Variants in ODAD1 observed in about 807,000 individuals in gnomAD.
The protein encoded by ODAD1 is outer dynein arm-docking complex subunit 1.
Under a neutral mutation model 67.2 loss-of-function variants are expected in ODAD1, and 49 were observed. The ratio of observed to expected loss-of-function variants is 0.73; its 90% CI spans 0.58 to 0.92. The LOEUF (loss-of-function observed/expected upper bound fraction) is 0.92, where lower values mean the gene tolerates loss of function less well. ODAD1 is among the 40% of genes least tolerant of loss of function. ODAD1 has a pLI of 0.00. For synonymous variants in ODAD1, 345 were observed against 393.7 expected, an observed-to-expected ratio of 0.88 and a Z score of 1.46; for missense variants, 897 against 953.7, an observed-to-expected ratio of 0.94 and a Z score of 0.78.
chr19:48,307,889 G>A (rs927403464), intron 7 of ODAD1, among the ~76,000 whole-genome samples: 4 of 151,278 alleles, frequency 2.6e-5, no homozygotes, highest in Non-Finnish European at 2.9e-5. Context: ...AGAAAGAACC[G>A]GGACTCCTCA....
At chr19:48,306,795 C>T (rs1968618462) in intron 7 of ODAD1, among the ~76,000 whole-genome samples, 2 of 152,028 alleles carry the variant, frequency 1.3e-5, no homozygotes, top group Non-Finnish European at 2.9e-5. Context: ...GCCCATAATC[C>T]CAGCAGTTTG....
Position 48,304,137 on chromosome 19 carries a change from CT to C in ODAD1, c.668del (p.Glu223GlyfsTer86). 2 of 1,605,544 alleles carry C rather than the reference CT, an allele frequency of 1.2e-6. No homozygotes were observed. Among genetic ancestry groups the C allele is most frequent in the South Asian group, 1.1e-5 (1 of 90,862 alleles). ...GCAAGCCCATCTTGGCCTTCGCCTCCTCCCTGCGGGGGTCAGCCGGGGTCAG... is the reference window on the plus strand; with the variant it reads ...GCAAGCCCATCTTGGCCTTCGCCTCCCCCTGCGGGGGTCAGCCGGGGTCAG... ...LSSTSAYAVR[E>X]EAKAKMGLLR... On this transcript the variant is annotated frameshift_variant and splice_region_variant, in exon 9 of 16. Coordinates refer to ENST00000674294, the MANE Select transcript of ODAD1 (RefSeq NM_001364171.2). LOFTEE classifies it high-confidence loss of function.
At chr19:48,318,688 C>G (rs1395374769) in intron 4 of ODAD1, 25 bp downstream of exon 4, 5 of 1,540,168 alleles carry the variant, frequency 3.2e-6, no homozygotes, top group Admixed American at 3.9e-5. Flanking sequence ...TCCTCCCCAG[C>G]TCAGGGCCCA....
chr19:48,316,427 T>A (rs1214706782), intron 5 of ODAD1, among the ~76,000 whole-genome samples: 1 of 150,908 alleles, frequency 6.6e-6, no homozygotes, highest in African/African-American at 2.4e-5. Flanking sequence ...GTACCAAAAG[T>A]AGTGTGCCAT....
At chr19:48,318,140 T>C (rs1332280110) in intron 5 of ODAD1, among the ~76,000 whole-genome samples, 1 of 152,196 alleles carries the variant, frequency 6.6e-6, no homozygotes, top group East Asian at 1.9e-4. Context: ...TACAGGCATG[T>C]GCCACCATGC....
In ODAD1 at chr19:48,320,360, C is replaced by G. The variant is rs1969001906; in HGVS notation, c.9G>C (p.Leu3Phe). The change falls in exon 3 of 16, where the codon TTG becomes TTC. Residue 3 changes from leucine (L) to phenylalanine (F), a missense_variant. Leu to Phe is a conservative substitution (Grantham distance 22, BLOSUM62 0). Transcript: ENST00000674294. The stretch of plus-strand genomic sequence containing the variant: ...AGCGGGCGCTCCCTGCCAAGCGTCC[C>G]AAAGGCATCCTGGCCAAACAGGGTG... MP[L>F]GRLAGSARSE... is the part of the protein sequence containing the mutation. The G allele has an allele frequency of 7.8e-7, 1 of 1,288,974 alleles. No homozygotes were observed. Among genetic ancestry groups the G allele is most frequent in the Non-Finnish European group, 1.0e-6 (1 of 988,338 alleles). The allele number at this position is 1,288,974 out of a possible 1,614,324, so 79.8% of individuals were successfully genotyped here.
At chr19:48,313,420 C>A (rs561462081) in intron 5 of ODAD1, among the ~76,000 whole-genome samples, 1 of 121,102 alleles carries the variant, frequency 8.3e-6, no homozygotes, top group African/African-American at 3.4e-5. Flanking sequence ...GAACAAGACT[C>A]CATCTCAAAA....
intron 8 of ODAD1, 41 bp from the exon 9 acceptor site, chr19:48,304,181 C>T (rs963121561): frequency 6.4e-7 from 1 of 1,551,612 alleles, no homozygotes. Context: ...GGAGGCTGGA[C>T]TGGGGTCGGC....
rs1210345726 is a variant in ODAD1, at chr19:48,312,033, G to C, written c.444C>G (p.Ile148Met). Residue 148 changes from isoleucine (I) to methionine (M), a missense_variant, in exon 6 of 16, where the codon ATC becomes ATG. Ile to Met is a conservative substitution (Grantham distance 10). Coordinates refer to ENST00000674294, the MANE Select transcript of ODAD1 (RefSeq NM_001364171.2). ...PGFILDQKVK[I>M]RRRIRILENQ... ...TTTCTAGGATCCTGATCCTTCGCCT[G>C]ATCTTGACCTTCTGATCCAGGATGA... 1 of 1,551,352 alleles carries C rather than the reference G, an allele frequency of 6.4e-7. No individual in the cohort carries two copies. The highest frequency in any genetic ancestry group is 2.0e-5 in the Admixed American group (1 of 50,998).
chr19:48,298,218 G>A lies in ODAD1; in HGVS notation c.1363C>T (p.Leu455=). The change falls in exon 13 of 16, where the codon CTG becomes TTG. Residue 455 remains leucine (L), a synonymous_variant. Transcript: ENST00000674294. ...GLFLSLIEKR[L]VELLTVQAFL... ...GCCTGCACTGTCAGGAGCTCCACCA[G>A]CCGCTTCTCAATGAGGCTCAGGAAG... 2.5e-6 allele frequency: 4 copies of A among 1,613,830 alleles called. No individual in the cohort carries two copies. Among genetic ancestry groups the A allele is most frequent in the Non-Finnish European group, 3.4e-6 (4 of 1,180,022 alleles).
rs1353962904 is a variant in ODAD1, at chr19:48,320,301, A to ATTCCCTCCAGAAATGCCTCGC, written c.47_67dup (p.Ser16_Gly22dup). The ATTCCCTCCAGAAATGCCTCGC allele has an allele frequency of 7.8e-7, 1 of 1,284,998 alleles. No individual in the cohort carries two copies. Among genetic ancestry groups the ATTCCCTCCAGAAATGCCTCGC allele is most frequent in the African/African-American group, 1.5e-5 (1 of 65,794 alleles). The allele number at this position is 1,284,998 out of a possible 1,614,324, so 79.6% of individuals were successfully genotyped here. On this transcript the variant is annotated inframe_insertion, in exon 3 of 16. Transcript: ENST00000674294. ...GATATAAAGAATGAATGAATTACCC[A>ATTCCCTCCAGAAATGCCTCGC]TTCCCTCCAGAAATGCCTCGCTTCC... is the stretch of plus-strand genomic sequence containing the variant.
At position 48,318,757 on chromosome 19, in the gene ODAD1, C is replaced by G; in HGVS notation, c.126G>C (p.Arg42Ser). The change falls in exon 4 of 16, where the codon AGG (arginine) becomes AGC (serine). Residue 42 changes from arginine to serine, a missense_variant. By Grantham distance (110) the Arg-to-Ser change is moderately radical. Transcript: ENST00000674294. ...QRQCKVMEGERRAYSKEVHQR... is the reference protein window; with the variant it reads ...QRQCKVMEGESRAYSKEVHQR... ...GGTGGACTTCCTTGCTGTAGGCCCG[C>G]CTCTCCCCTTCCATCACTTTGCATT... 1.3e-6 allele frequency: 2 copies of G among 1,551,440 alleles called. No homozygotes were observed. The highest frequency in any genetic ancestry group is 1.7e-6 in the Non-Finnish European group (2 of 1,146,856).
intron 9 of ODAD1, 27 bp from the exon 10 acceptor site, chr19:48,303,811 GC>G: frequency 6.3e-7 from 1 of 1,591,170 alleles, no homozygotes; most frequent in Non-Finnish European, 8.6e-7. Flanking sequence ...CAGCAGGTCG[GC>G]CTCCTGGGTG....
At chr19:48,308,594 G>T (rs1211038066) in intron 7 of ODAD1, among the ~76,000 whole-genome samples, 1 of 152,240 alleles carries the variant, frequency 6.6e-6, no homozygotes, top group Non-Finnish European at 1.5e-5. Flanking sequence ...ATCATTCATG[G>T]ATGATAAAAT....
Position 48,302,787 on chromosome 19 carries a change from A to T in ODAD1, c.1147T>A (p.Leu383Met). ...TGCACCTTGTCCATGCGCTGCTGCA[A>T]CACCTTCTGCTGCTGCTCCTGCAGC... is the stretch of plus-strand genomic sequence containing the variant. ...HLLQEQQQKV[L>M]QQRMDKVHSE... The change falls in exon 12 of 16, where the codon TTG becomes ATG. Residue 383 changes from leucine (L) to methionine (M), a missense_variant. Leu to Met is a conservative substitution (Grantham distance 15). Transcript: ENST00000674294. The T allele has an allele frequency of 6.2e-7, 1 of 1,613,954 alleles. No homozygotes were observed.
intron 5 of ODAD1, 105 bp downstream of exon 5, chr19:48,318,282 G>C (rs1241040638): frequency 2.0e-6 from 2 of 986,866 alleles, no homozygotes; most frequent in Admixed American, 4.7e-5. Context: ...ATGAGCCACT[G>C]TGCCCGGCCT....
Position 48,297,076 on chromosome 19 carries a change from G to C in ODAD1, c.2024C>G (p.Ser675Trp). The change falls in exon 16 of 16, where the codon TCG (serine) becomes TGG (tryptophan). Residue 675 changes from serine (S) to tryptophan (W), a missense_variant. Transcript: ENST00000674294. ...GVESGGTASD[S>W]SGGLGSSRDH... ...TCTGCTGGACCCGAGGCCTCCGCTC[G>C]AATCAGACGCTGTGCCTCCGCTCTC... 1 of 1,613,148 alleles carries C rather than the reference G, an allele frequency of 6.2e-7. No homozygotes were observed. The highest frequency in any genetic ancestry group is 8.5e-7 in the Non-Finnish European group (1 of 1,179,580).
intron 5 of ODAD1, among the ~76,000 whole-genome samples, chr19:48,316,121 G>T (rs560434421): frequency 6.6e-6 from 1 of 152,154 alleles, no homozygotes; most frequent in Non-Finnish European, 1.5e-5. Flanking sequence ...GCCCACACCT[G>T]TAATCCCAGC....
At position 48,296,556 on chromosome 19, in the gene ODAD1, G is replaced by T. The variant is rs1023252655; in HGVS notation, c.*420C>A. ...TTTCCCACACCTGTCAGCACTGGGG[G>T]GCTCTTGGGGAGTAAGGAGCTACAG... On this transcript the variant is annotated 3_prime_UTR_variant, in exon 16 of 16. Coordinates refer to ENST00000674294, the MANE Select transcript of ODAD1 (RefSeq NM_001364171.2). 5.7e-6 allele frequency: 1 copy of T among 176,718 alleles called. No individual in the cohort carries two copies. Among genetic ancestry groups the T allele is most frequent in the Non-Finnish European group, 1.2e-5 (1 of 85,950 alleles). The allele number at this position is 176,718 out of a possible 1,614,324, so 10.9% of individuals were successfully genotyped here. A position where few individuals can be genotyped will look rare whatever the true frequency, so the allele number is the denominator to read the frequency against.
Sources: allele counts gnomAD v4.1 joint callset (sites outside exome capture counted in the v4.1 genomes callset), GRCh38; gene constraint gnomAD v4.1.1; transcripts MANE v1.5; gene names NCBI Gene and HGNC (gene_info 2026-07-23, HGNC 2026-07-21).